Variants in TXNRD2 observed in about 807,000 individuals in gnomAD.
The protein encoded by TXNRD2 is thioredoxin reductase 2, mitochondrial.
In TXNRD2, 67 loss-of-function variants were observed where a neutral mutation model predicts 70.8. The observed-to-expected ratio is 0.95, with a 90% confidence interval of 0.78 to 1.16. The LOEUF (loss-of-function observed/expected upper bound fraction) is 1.16. Among genes scored for constraint, TXNRD2 ranks in the 50% most tolerant of loss-of-function variants. The pLI is 0.00. For missense variants in TXNRD2, 644 were observed against 719.9 expected (o/e 0.89, Z 1.21); for synonymous variants, 301 against 295.8 (o/e 1.02, Z -0.18).
chr22:19,933,603 A>G, intron 1 of TXNRD2: 1 of 951,300 alleles, frequency 1.1e-6, no homozygotes, highest in Non-Finnish European at 1.4e-6. Context: ...GTGCACACCC[A>G]GGAGCCCTCT....
In TXNRD2 at chr22:19,919,725, C is replaced by T. The variant is rs943024794; in HGVS notation, c.173-126G>A. 9.0e-6 allele frequency: 7 copies of T among 774,720 alleles called. No individual in the cohort carries two copies. The African/African-American group carries it at 1.9e-4, about 21-fold the overall frequency. 48.0% of individuals were successfully genotyped at this position (774,720 alleles called of 1,614,324 possible). A position where few individuals can be genotyped will look rare whatever the true frequency, so the allele number is the denominator to read the frequency against. On this transcript the variant is annotated intron_variant, in intron 2 of 17. Coordinates refer to ENST00000400521, the MANE Select transcript of TXNRD2 (RefSeq NM_006440.5). ...GGGCCTGGGCCTGCGGCTGCCCACA[C>T]AGTGGCTGAGCTGCGCAATGCTAGG... is the stretch of plus-strand genomic sequence containing the variant.
At chr22:19,902,334 A>G (rs1939814149) in intron 8 of TXNRD2, among the ~76,000 whole-genome samples, 1 of 152,232 alleles carries the variant, frequency 6.6e-6, no homozygotes, top group Non-Finnish European at 1.5e-5. Flanking sequence ...TTCTTGTTCA[A>G]AATTGGAATG....
At chr22:19,908,063 G>A (rs868523740) in intron 8 of TXNRD2, among the ~76,000 whole-genome samples, 1 of 105,708 alleles carries the variant, frequency 9.5e-6, no homozygotes, top group Non-Finnish European at 1.9e-5. Context: ...AGCAGTGACC[G>A]CTCTCAGGAG....
chr22:19,940,397 A>T (rs991982405), intron 1 of TXNRD2, among the ~76,000 whole-genome samples: 3 of 152,218 alleles, frequency 2.0e-5, no homozygotes, highest in African/African-American at 7.2e-5. Flanking sequence ...GAGGACCAGG[A>T]TCATCATCCT....
chr22:19,883,234 C>T, intron 12 of TXNRD2, 91 bp downstream of exon 12: 1 of 1,515,224 alleles, frequency 6.6e-7, no homozygotes, highest in Non-Finnish European at 9.0e-7. Flanking sequence ...TGTCGTTTCT[C>T]TCCTACAGGA....
At chr22:19,919,193 A>T (rs1940780422) in intron 3 of TXNRD2, among the ~76,000 whole-genome samples, 189 bp from the exon 4 acceptor site, 1 of 4,970 alleles carries the variant, frequency 2.0e-4, no homozygotes, top group Admixed American at 2.0e-3. Context: ...ACTTTTTAAT[A>T]TTTATTAATT....
intron 16 of TXNRD2, among the ~76,000 whole-genome samples, chr22:19,877,756 C>T (rs896688257): frequency 5.9e-5 from 9 of 152,248 alleles, no homozygotes; most frequent in Non-Finnish European, 1.2e-4. Context: ...CCAGAAGACA[C>T]ACAGCAGCCC....
chr22:19,900,198 C>T (rs1939707962), intron 8 of TXNRD2, among the ~76,000 whole-genome samples: 1 of 152,176 alleles, frequency 6.6e-6, no homozygotes, highest in African/African-American at 2.4e-5. Flanking sequence ...TGGTTACATG[C>T]CTCACTCAGC....
At chr22:19,901,888 C>A (rs2145987590) in intron 8 of TXNRD2, among the ~76,000 whole-genome samples, 1 of 152,234 alleles carries the variant, frequency 6.6e-6, no homozygotes, top group Admixed American at 6.5e-5. Context: ...TGGAACCACT[C>A]AACTTACCGC....
chr22:19,889,446 A>G (rs183284123), intron 11 of TXNRD2, among the ~76,000 whole-genome samples: 118 of 152,168 alleles, frequency 7.8e-4, no homozygotes, highest in African/African-American at 2.6e-3. Flanking sequence ...CCCTGTCTCT[A>G]CTAAAAATAC....
intron 8 of TXNRD2, among the ~76,000 whole-genome samples, chr22:19,901,152 G>A (rs563603774): frequency 8.5e-5 from 13 of 152,200 alleles, no homozygotes; most frequent in Non-Finnish European, 1.5e-4. Flanking sequence ...TGCCACCGAC[G>A]TGTACATCCC....
chr22:19,886,043 G>C (rs536190738), intron 11 of TXNRD2, among the ~76,000 whole-genome samples: 1 of 152,378 alleles, frequency 6.6e-6, no homozygotes, highest in East Asian at 1.9e-4. Context: ...AGCTGGACAG[G>C]CTGGATGGCC....
intron 11 of TXNRD2, among the ~76,000 whole-genome samples, chr22:19,886,184 C>G (rs1158523462): frequency 6.6e-6 from 1 of 152,212 alleles, no homozygotes; most frequent in Non-Finnish European, 1.5e-5. Context: ...GGAGGGCAGC[C>G]GAGGGCACAG....
chr22:19,909,774 CCACACACACCA>C (rs1427339156), intron 8 of TXNRD2, among the ~76,000 whole-genome samples: 7 of 108,898 alleles, frequency 6.4e-5, no homozygotes, highest in African/African-American at 2.1e-4. Context: ...CACACACACA[CCACACACACCA>C]CACACACACC....
At chr22:19,881,131 A>C (rs1938755546) in intron 12 of TXNRD2, 1 of 454,208 alleles carries the variant, frequency 2.2e-6, no homozygotes. Context: ...AAAGCGTTCC[A>C]TGTGCTCCTG....
intron 8 of TXNRD2, among the ~76,000 whole-genome samples, chr22:19,908,580 C>G (rs1940177273): frequency 6.6e-6 from 1 of 152,182 alleles, no homozygotes; most frequent in Non-Finnish European, 1.5e-5. Context: ...CTGTTGGGAA[C>G]AGGATGGAGG....
At chr22:19,899,977 G>A (rs1447401778) in intron 8 of TXNRD2, among the ~76,000 whole-genome samples, 1 of 152,234 alleles carries the variant, frequency 6.6e-6, no homozygotes, top group Admixed American at 6.5e-5. Flanking sequence ...GGTGATGTAA[G>A]GACGGATAAG....
At chr22:19,914,827 T>TTTTTTTTTTTTTTTTGAG (rs1940562230) in intron 7 of TXNRD2, 2 of 282,740 alleles carry the variant, frequency 7.1e-6, no homozygotes, top group Admixed American at 4.9e-5. Context: ...AAACTTTTTT[T>TTTTTTTTTTTTTTTTGAG]AAACTGGGGG....
At position 19,880,875 on chromosome 22, in the gene TXNRD2, G is replaced by A. The variant is rs187141927; in HGVS notation, c.1087-158C>T. On this transcript the variant is annotated intron_variant, in intron 12 of 17. Coordinates refer to ENST00000400521, the MANE Select transcript of TXNRD2 (RefSeq NM_006440.5). ...ACGTACAGCATTCCCCCTAGAGCTC[G>A]TCCTCCTGAGGGGCATCCCAAGGAC... 425 of 626,820 alleles carry A rather than the reference G, an allele frequency of 6.8e-4. 5 individuals carry two copies. The African/African-American group carries it at 7.1e-3, about 10-fold the overall frequency. 38.8% of individuals were successfully genotyped at this position (626,820 alleles called of 1,614,324 possible).
Sources: gnomAD v4.1 joint callset for allele counts (sites outside exome capture counted in the v4.1 genomes callset) on GRCh38, gnomAD v4.1.1 for gene constraint, MANE v1.5 for transcripts, NCBI Gene and HGNC (gene_info 2026-07-23, HGNC 2026-07-21) for gene names.